MGAT1: variants seen among roughly 807,000 people sequenced by gnomAD.
The protein encoded by MGAT1 is alpha-1,3-mannosyl-glycoprotein 2-beta-N-acetylglucosaminyltransferase.
Under a neutral mutation model 31.7 loss-of-function variants are expected in MGAT1, and 14 were observed. The ratio of observed to expected loss-of-function variants is 0.44; its 90% CI spans 0.29 to 0.69. MGAT1 has a LOEUF of 0.69. MGAT1 is among the 30% of genes least tolerant of loss of function. MGAT1 has a pLI of 0.12. For missense variants in MGAT1, 557 were observed against 626.0 expected (o/e 0.89, Z 1.18); for synonymous variants, 338 against 276.0 (o/e 1.22, Z -2.23).
At chr5:180,799,618 C>T (rs988507217) in intron 1 of MGAT1, among the ~76,000 whole-genome samples, 1 of 152,234 alleles carries the variant, frequency 6.6e-6, no homozygotes, top group African/African-American at 2.4e-5. Context: ...GGATGGAAGA[C>T]TGCTTGCACT....
intron 1 of MGAT1, among the ~76,000 whole-genome samples, chr5:180,812,092 T>G (rs1215334495): frequency 6.6e-6 from 1 of 152,238 alleles, no homozygotes; most frequent in Non-Finnish European, 1.5e-5. Context: ...CCATGTATTG[T>G]CTGTCTCCCA....
At chr5:180,813,586 G>A (rs904819224) in intron 1 of MGAT1, among the ~76,000 whole-genome samples, 6 of 152,182 alleles carry the variant, frequency 3.9e-5, no homozygotes, top group Non-Finnish European at 8.8e-5. Context: ...GAGTAAGCTA[G>A]AGATTTTTGT....
chr5:180,814,280 A>G (rs1343638953), intron 1 of MGAT1, among the ~76,000 whole-genome samples: 2 of 152,162 alleles, frequency 1.3e-5, no homozygotes, highest in Non-Finnish European at 2.9e-5. Context: ...TGGTATTTAA[A>G]ATTCTGGCCC....
chr5:180,805,128 TAAG>T (rs1404476707), upstream of MGAT1, among the ~76,000 whole-genome samples: 4 of 151,452 alleles, frequency 2.6e-5, no homozygotes, highest in South Asian at 4.2e-4. Flanking sequence ...GTGACTGGAG[TAAG>T]AAGGATAGAA....
intron 1 of MGAT1, among the ~76,000 whole-genome samples, chr5:180,794,411 T>TTTTTTATATATATATATATATATA: frequency 7.0e-6 from 1 of 142,034 alleles, no homozygotes; most frequent in Non-Finnish European, 1.5e-5. Context: ...TTTTTTTTTA[T>TTTTTTATATATATATATATATATA]TATATATATA....
chr5:180,791,380 T>A lies in MGAT1; in HGVS notation c.*254A>T. On this transcript the variant is annotated 3_prime_UTR_variant, in exon 2 of 2. Coordinates refer to ENST00000307826, the MANE Select transcript of MGAT1 (RefSeq NM_002406.4). ...ACATTTCTGGCCCCAACAAGCCCAG[T>A]GCCCCCCACCACACAGTGGTTTCCT... 1.8e-6 allele frequency: 1 copy of A among 560,938 alleles called. No individual in the cohort carries two copies. The highest frequency in any genetic ancestry group is 1.9e-5 in the African/African-American group (1 of 53,278). 34.7% of individuals were successfully genotyped at this position (560,938 alleles called of 1,614,324 possible). A position where few individuals can be genotyped will look rare whatever the true frequency, so the allele number is the denominator to read the frequency against.
rs1324695133 is a variant in MGAT1, at chr5:180,787,040, A to G, written c.*4594T>C. ...AGGTGAACAGCAGGAAAAGGAAAGC[A>G]GTGGAGACAGAGATTTCCACCAGGC... On this transcript the variant is annotated 3_prime_UTR_variant, in exon 2 of 2. Coordinates refer to ENST00000307826, the MANE Select transcript of MGAT1 (RefSeq NM_002406.4). The G allele has an allele frequency of 6.6e-6, 1 of 152,374 alleles. No homozygotes were observed. The highest frequency in any genetic ancestry group is 2.4e-5 in the African/African-American group (1 of 41,466). 9.4% of individuals were successfully genotyped at this position (152,374 alleles called of 1,614,324 possible).
rs372191868 is a variant in MGAT1 at position 180,792,707 on chromosome 5, C to T, written c.265G>A (p.Ala89Thr). The change falls in exon 2 of 2, where the codon GCG (alanine) becomes ACG (threonine). Residue 89 changes from alanine to threonine, a missense_variant. By Grantham distance (58) the Ala-to-Thr change is moderately conservative. Transcript: ENST00000307826. Reference protein sequence around the residue: ...LSSQRGRVPTAAPPAQPRVPV... With the variant: ...LSSQRGRVPTTAPPAQPRVPV... ...ACACGCGGCTGGGCGGGAGGGGCCG[C>T]GGTGGGCACCCTCCCCCGCTGGCTC... 6 of 1,549,760 alleles carry T rather than the reference C, an allele frequency of 3.9e-6. No individual in the cohort carries two copies. Among genetic ancestry groups the T allele is most frequent in the Non-Finnish European group, 5.2e-6 (6 of 1,149,614 alleles).
chr5:180,794,222 C>T (rs36000194), intron 1 of MGAT1, among the ~76,000 whole-genome samples: 16,520 of 118,126 alleles, frequency 0.14, 1,002 homozygotes, highest in East Asian at 0.28. Flanking sequence ...CTACAAGTAA[C>T]AATTAAAAAA....
At position 180,790,701 on chromosome 5, in the gene MGAT1, G is replaced by A. The variant is rs574211297; in HGVS notation, c.*933C>T. The A allele has an allele frequency of 1.3e-5, 2 of 152,694 alleles. No homozygotes were observed. Among genetic ancestry groups the A allele is most frequent in the South Asian group, 2.1e-4 (1 of 4,836 alleles). 9.5% of individuals were successfully genotyped at this position (152,694 alleles called of 1,614,324 possible). ...GGACATGGGGCGCCTGGGAGCGGGC[G>A]GGGAGGCTGGGCAGCACTGGGCCAG... On this transcript the variant is annotated 3_prime_UTR_variant, in exon 2 of 2. Coordinates refer to ENST00000307826, the MANE Select transcript of MGAT1 (RefSeq NM_002406.4).
chr5:180,797,501 C>T lies in MGAT1; in HGVS notation c.-126-4404G>A, dbSNP rs1769726727. On this transcript the variant is annotated intron_variant, in intron 1 of 1. Transcript: ENST00000307826. ...CCTGCAGGCCCTTATGGCAAAGCCTCCTGGGACCCTTGAGATAACTTCTGC... is the reference window on the plus strand; with the variant it reads ...CCTGCAGGCCCTTATGGCAAAGCCTTCTGGGACCCTTGAGATAACTTCTGC... Among the ~76,000 whole-genome samples the T allele has an allele frequency of 2.6e-5, 4 of 151,780 alleles. No homozygotes were observed. The South Asian group carries it at 8.3e-4, about 31-fold the overall frequency.
At chr5:180,815,159 C>T (rs1772797105) in intron 1 of MGAT1, among the ~76,000 whole-genome samples, 2 of 151,938 alleles carry the variant, frequency 1.3e-5, no homozygotes, top group African/African-American at 2.4e-5. Context: ...AAGGTGCTAG[C>T]GCAGGTCTCT....
At position 180,797,334 on chromosome 5, in the gene MGAT1, G is replaced by A. The variant is rs774066857; in HGVS notation, c.-126-4237C>T. On this transcript the variant is annotated intron_variant, in intron 1 of 1. Coordinates refer to ENST00000307826, the MANE Select transcript of MGAT1 (RefSeq NM_002406.4). ...GGAGAATCCCTTGAACCTGGGAGGC[G>A]GAGGTTGCAGTGAGCTGAGATGGCA... Among the ~76,000 whole-genome samples, 10 of 151,162 alleles carry A rather than the reference G, an allele frequency of 6.6e-5. No homozygotes were observed. The East Asian group carries it at 7.8e-4, about 12-fold the overall frequency.
chr5:180,793,088 A>G lies in MGAT1; in HGVS notation c.-117T>C. 1 of 1,242,838 alleles carries G rather than the reference A, an allele frequency of 8.0e-7. No individual in the cohort carries two copies. Among genetic ancestry groups the G allele is most frequent in the Non-Finnish European group, 1.1e-6 (1 of 903,302 alleles). 77.0% of individuals were successfully genotyped at this position (1,242,838 alleles called of 1,614,324 possible). The stretch of plus-strand genomic sequence containing the variant: ...CCTCTGGACTATGGGATTAGGAGGC[A>G]GCCATGCACCTAAAGACAGGAGAGA... On this transcript the variant is annotated 5_prime_UTR_variant, in exon 2 of 2. Transcript: ENST00000307826.
intron 1 of MGAT1, among the ~76,000 whole-genome samples, chr5:180,796,312 C>T (rs562156682): frequency 6.6e-6 from 1 of 152,204 alleles, no homozygotes; most frequent in African/African-American, 2.4e-5. Flanking sequence ...TCCTAGAAAC[C>T]AACCACCCCC....
rs191486823 is a variant in MGAT1 at position 180,786,395 on chromosome 5, T to A, written c.*5239A>T. 1 of 152,504 alleles carries A rather than the reference T, an allele frequency of 6.6e-6. No homozygotes were observed. The highest frequency in any genetic ancestry group is 1.5e-5 in the Non-Finnish European group (1 of 68,146). The allele number at this position is 152,504 out of a possible 1,614,324, so 9.4% of individuals were successfully genotyped here. On this transcript the variant is annotated 3_prime_UTR_variant, in exon 2 of 2. Coordinates refer to ENST00000307826, the MANE Select transcript of MGAT1 (RefSeq NM_002406.4). ...CCTGCCCTCTCCAAATCCTCGTCACTGTCACAAGCTTGGTCTTCCAGGCAC... is the reference window on the plus strand; with the variant it reads ...CCTGCCCTCTCCAAATCCTCGTCACAGTCACAAGCTTGGTCTTCCAGGCAC...
At chr5:180,796,992 CCT>C (rs1251787421) in intron 1 of MGAT1, among the ~76,000 whole-genome samples, 1 of 152,176 alleles carries the variant, frequency 6.6e-6, no homozygotes, top group Non-Finnish European at 1.5e-5. Context: ...GCCAGGATTC[CCT>C]GTCTCCCAAC....
rs993941607 is a variant in MGAT1 at position 180,790,195 on chromosome 5, G to C, written c.*1439C>G. 2 of 152,304 alleles carry C rather than the reference G, an allele frequency of 1.3e-5. No homozygotes were observed. Among genetic ancestry groups the C allele is most frequent in the African/African-American group, 4.8e-5 (2 of 41,430 alleles). 9.4% of individuals were successfully genotyped at this position (152,304 alleles called of 1,614,324 possible). A position where few individuals can be genotyped will look rare whatever the true frequency, so the allele number is the denominator to read the frequency against. ...CACCGGGCACAAAGCACCACTCAGG[G>C]ACCACCCTGATCAGAGGACCTGGTT... On this transcript the variant is annotated 3_prime_UTR_variant, in exon 2 of 2. Coordinates refer to ENST00000307826, the MANE Select transcript of MGAT1 (RefSeq NM_002406.4).
In MGAT1 at chr5:180,797,443, C is replaced by CAGAG. The variant is rs1769708960; in HGVS notation, c.-126-4350_-126-4347dup. Among the ~76,000 whole-genome samples the CAGAG allele has an allele frequency of 2.5e-5, 3 of 118,508 alleles. No individual in the cohort carries two copies. The South Asian group carries it at 9.2e-4, about 36-fold the overall frequency. The allele number at this position is 118,508 out of a possible 152,430, so 77.7% of individuals were successfully genotyped here. A position where few individuals can be genotyped will look rare whatever the true frequency, so the allele number is the denominator to read the frequency against. On this transcript the variant is annotated intron_variant, in intron 1 of 1. Transcript: ENST00000307826. ...AAAAAAAAAAAAGGGGGGGGGGGCC[C>CAGAG]AGAGGGATAGCCCGTCCCTGACTCA...
Sources: gnomAD v4.1 joint callset for allele counts (sites outside exome capture counted in the v4.1 genomes callset) on GRCh38, gnomAD v4.1.1 for gene constraint, MANE v1.5 for transcripts, NCBI Gene and HGNC (gene_info 2026-07-23, HGNC 2026-07-21) for gene names.